COL4A6: variants seen among roughly 807,000 people sequenced by gnomAD.
The protein encoded by COL4A6 is collagen type IV alpha 6 chain, also known as collagen alpha-6(IV) chain.
COL4A6 carries 59 observed loss-of-function variants against 126.7 expected under a neutral mutation model. The ratio of observed to expected loss-of-function variants is 0.47; its 90% confidence interval spans 0.38 to 0.58. COL4A6 has a LOEUF of 0.58. COL4A6 is among the 20% of genes least tolerant of loss of function. COL4A6 has a pLI of 0.00. For synonymous variants in COL4A6, 547 were observed against 496.6 expected (o/e 1.10, Z -1.35); for missense variants, 1,285 against 1,337.3 (o/e 0.96, Z 0.61).
chrX:108,226,897 C>T (rs975609966), intron 3 of COL4A6, among the ~76,000 whole-genome samples: 6 of 111,716 alleles, frequency 5.4e-5, no homozygotes, highest in African/African-American at 9.8e-5. Context: ...TCTCATCTCT[C>T]GCCTGGAGTG....
chrX:108,257,789 C>T (rs769009507), intron 3 of COL4A6, among the ~76,000 whole-genome samples: 1 of 111,259 alleles, frequency 9.0e-6, no homozygotes, highest in Non-Finnish European at 1.9e-5. Context: ...AAGGTTCTTC[C>T]CCAATCATGC....
At chrX:108,278,320 A>C in intron 3 of COL4A6, among the ~76,000 whole-genome samples, 1 of 112,496 alleles carries the variant, frequency 8.9e-6, no homozygotes. Flanking sequence ...GATGAAAGCC[A>C]AGGCTCAAGA....
intron 32 of COL4A6, among the ~76,000 whole-genome samples, chrX:108,172,185 A>G (rs912781412): frequency 9.2e-6 from 1 of 108,884 alleles, no homozygotes; most frequent in African/African-American, 3.4e-5. Context: ...ATCCGTCTCT[A>G]CCAAAAATAC....
chrX:108,189,457 C>T (rs901818539), intron 20 of COL4A6, among the ~76,000 whole-genome samples: 3 of 111,973 alleles, frequency 2.7e-5, no homozygotes, highest in African/African-American at 9.8e-5. Flanking sequence ...GCTTGATAAT[C>T]CCTATCACTA....
At chrX:108,367,134 A>G (rs1003643071) in intron 2 of COL4A6, among the ~76,000 whole-genome samples, 2 of 112,360 alleles carry the variant, frequency 1.8e-5, no homozygotes, top group African/African-American at 6.5e-5. Flanking sequence ...TTCAGAGAAT[A>G]TCAAATTGAG....
At chrX:108,185,391 GAAA>G (rs201862310) in intron 23 of COL4A6, among the ~76,000 whole-genome samples, 1 of 83,371 alleles carries the variant, frequency 1.2e-5, no homozygotes. Flanking sequence ...CTTCATTTCA[GAAA>G]AAAAAAAAAA....
At chrX:108,199,009 G>T (rs2035307927) in intron 13 of COL4A6, among the ~76,000 whole-genome samples, 1 of 111,350 alleles carries the variant, frequency 9.0e-6, no homozygotes, top group African/African-American at 3.3e-5. Context: ...CTACAAGTGT[G>T]AGTGTGTTGC....
chrX:108,242,404 C>G (rs1219440554), intron 3 of COL4A6, among the ~76,000 whole-genome samples: 1 of 111,545 alleles, frequency 9.0e-6, no homozygotes, highest in Non-Finnish European at 1.9e-5. Context: ...ACAAAGAAAA[C>G]CTGTAGTCCA....
Position 108,188,021 on chromosome X carries a change from C to A in COL4A6, c.1594G>T (p.Val532Phe), listed in dbSNP as rs1243447474. The A allele has an allele frequency of 4.2e-6, 5 of 1,186,838 alleles. No individual in the cohort carries two copies. The South Asian group carries it at 9.3e-5, about 22-fold the overall frequency. ...AQGPAGAPGL[V>F]GPLGPSGPKG... The stretch of plus-strand genomic sequence containing the variant: ...GGTCCTGAAGGACCCAGAGGCCCAA[C>A]TAAGCCCTGACAAAGAAAAGAGAGA... Residue 532 changes from valine (V) to phenylalanine (F), a missense_variant, in exon 22 of 45, where the codon GTT becomes TTT. Val to Phe is a conservative substitution (Grantham distance 50). Transcript: ENST00000334504.
chrX:108,317,609 G>A (rs912985664), intron 2 of COL4A6, among the ~76,000 whole-genome samples: 1 of 111,546 alleles, frequency 9.0e-6, no homozygotes, highest in African/African-American at 3.3e-5. Context: ...TTCGTATAAG[G>A]TGTAAGGAAG....
intron 8 of COL4A6, among the ~76,000 whole-genome samples, chrX:108,207,467 T>C (rs919940984): frequency 2.7e-5 from 3 of 111,157 alleles, no homozygotes; most frequent in Non-Finnish European, 5.7e-5. Flanking sequence ...ACACGTCCTG[T>C]GCATGTACCC....
intron 7 of COL4A6, among the ~76,000 whole-genome samples, chrX:108,211,376 G>A (rs916027922): frequency 7.1e-5 from 8 of 112,661 alleles, no homozygotes; most frequent in Non-Finnish European, 1.5e-4. Flanking sequence ...ATCTGCCTCC[G>A]GGAAATGTCT....
In COL4A6 at chrX:108,171,417, T is replaced by C; in HGVS notation, c.3247A>G (p.Lys1083Glu). The change falls in exon 33 of 45, where the codon AAG (lysine) becomes GAG (glutamate). Residue 1083 changes from lysine (K) to glutamate (E), a missense_variant. By Grantham distance (56) the Lys-to-Glu change is moderately conservative (BLOSUM62 1). Coordinates refer to ENST00000334504, the MANE Select transcript of COL4A6 (RefSeq NM_033641.4). ...AAACCAGATTCGCCAGGCTGTCCCTTGGGTCCTGGGCTACCGGAAATTTCA... is the reference window on the plus strand; with the variant it reads ...AAACCAGATTCGCCAGGCTGTCCCTCGGGTCCTGGGCTACCGGAAATTTCA... Reference protein sequence around the residue: ...TVEISGSPGPKGQPGESGFKG... With the variant: ...TVEISGSPGPEGQPGESGFKG... 2 of 1,211,253 alleles carry C rather than the reference T, an allele frequency of 1.7e-6. No individual in the cohort carries two copies. The highest frequency in any genetic ancestry group is 2.2e-6 in the Non-Finnish European group (2 of 895,201).
intron 2 of COL4A6, among the ~76,000 whole-genome samples, chrX:108,420,358 T>C (rs1048041321): frequency 1.8e-5 from 2 of 111,684 alleles, no homozygotes; most frequent in African/African-American, 6.5e-5. Flanking sequence ...GACTCTGTAA[T>C]GTCCCCCAGG....
intron 2 of COL4A6, among the ~76,000 whole-genome samples, chrX:108,369,850 G>T (rs62601454): frequency 0.12 from 13,291 of 111,867 alleles, 871 homozygotes; most frequent in Non-Finnish European, 0.18. Flanking sequence ...CTCTGCTGTT[G>T]CAGGGGGAAA....
At chrX:108,167,770 A>C (rs2034177497) in intron 37 of COL4A6, among the ~76,000 whole-genome samples, 1 of 111,859 alleles carries the variant, frequency 8.9e-6, no homozygotes, top group African/African-American at 3.3e-5. Flanking sequence ...AAATTGTTTT[A>C]ATTAGATATT....
rs1183275283 is a variant in COL4A6 at position 108,207,624 on chromosome X, A to AT, written c.547-1045dup. Reference sequence around the variant, plus strand: ...CTGTGGATTCAACCAACTGATTGAAATTTTTTTTTTATAAAAGGATGGTTG... The same window carrying AT: ...CTGTGGATTCAACCAACTGATTGAAATTTTTTTTTTTATAAAAGGATGGTTG... On this transcript the variant is annotated intron_variant, in intron 8 of 44. Coordinates refer to ENST00000334504, the MANE Select transcript of COL4A6 (RefSeq NM_033641.4). Among the ~76,000 whole-genome samples, 539 of 109,777 alleles carry AT rather than the reference A, an allele frequency of 4.9e-3. 3 individuals carry two copies. Among genetic ancestry groups the AT allele is most frequent in the African/African-American group, 0.017 (526 of 30,282 alleles).
At chrX:108,376,864 A>G (rs1341239009) in intron 2 of COL4A6, among the ~76,000 whole-genome samples, 1 of 112,617 alleles carries the variant, frequency 8.9e-6, no homozygotes, top group Non-Finnish European at 1.9e-5. Flanking sequence ...CTCTATGTAA[A>G]TTTGAAGGGC....
At chrX:108,161,535 T>C (rs1212318641) in intron 42 of COL4A6, 84 bp downstream of exon 42, 1 of 586,738 alleles carries the variant, frequency 1.7e-6, no homozygotes, top group Non-Finnish European at 2.8e-6. Flanking sequence ...AGTTTCAGAC[T>C]TGAAGTTTTA....
Sources: gnomAD v4.1 joint callset for allele counts (sites outside exome capture counted in the v4.1 genomes callset) on GRCh38, gnomAD v4.1.1 for gene constraint, MANE v1.5 for transcripts, NCBI Gene and HGNC (gene_info 2026-07-23, HGNC 2026-07-21) for gene names.